Variants in DACH2 observed in about 807,000 individuals in gnomAD.
The protein encoded by DACH2 is dachshund homolog 2.
DACH2 carries 17 observed loss-of-function variants against 35.8 expected under a neutral mutation model. That is an observed-to-expected ratio of 0.48 (90% CI 0.33 to 0.71). The LOEUF is 0.71. Ranked by LOEUF, DACH2 falls within the 30% of genes least tolerant of loss-of-function variation. The pLI is 0.02. For missense variants in DACH2, 469 were observed against 472.7 expected (o/e 0.99, Z 0.07); for synonymous variants, 195 against 177.3 (o/e 1.10, Z -0.79).
At chrX:86,720,197 A>G (rs1245348924) in intron 6 of DACH2, among the ~76,000 whole-genome samples, 1 of 109,845 alleles carries the variant, frequency 9.1e-6, no homozygotes, top group Non-Finnish European at 1.9e-5. Context: ...TCGGCCTCCC[A>G]AAGTGCTGGG....
At chrX:86,601,061 G>A (rs1045315958) in intron 3 of DACH2, among the ~76,000 whole-genome samples, 1 of 110,968 alleles carries the variant, frequency 9.0e-6, no homozygotes, top group Non-Finnish European at 1.9e-5. Flanking sequence ...TGAACAGTAG[G>A]CATTCACTTT....
chrX:86,455,967 G>T (rs2037467730), intron 2 of DACH2, among the ~76,000 whole-genome samples: 1 of 112,107 alleles, frequency 8.9e-6, no homozygotes, highest in Non-Finnish European at 1.9e-5. Flanking sequence ...AGGCTCTGAT[G>T]GCATAGGCTC....
chrX:86,661,659 T>G (rs2040606552), intron 4 of DACH2, among the ~76,000 whole-genome samples: 1 of 112,360 alleles, frequency 8.9e-6, no homozygotes, highest in Non-Finnish European at 1.9e-5. Flanking sequence ...GTGCGCAAGA[T>G]TTGTGTAGAC....
intron 3 of DACH2, among the ~76,000 whole-genome samples, chrX:86,595,905 T>C (rs1335284103): frequency 9.0e-6 from 1 of 110,874 alleles, no homozygotes; most frequent in Non-Finnish European, 1.9e-5. Context: ...TTATTTGCTA[T>C]TACTCCCTAG....
rs139450893 is a variant in DACH2, at chrX:86,464,702, A to G, written c.528-49577A>G. The stretch of plus-strand genomic sequence containing the variant: ...AAAGTAAAATAAAAAAAAATAAAAA[A>G]TAAATATTCAAAAAAGATAAGTGTA... On this transcript the variant is annotated intron_variant, in intron 2 of 11. Transcript: ENST00000373125. Among the ~76,000 whole-genome samples the G allele has an allele frequency of 6.7e-3, 744 of 111,810 alleles. 2 individuals are homozygous for G. Among genetic ancestry groups the G allele is most frequent in the Non-Finnish European group, 0.01 (534 of 53,155 alleles).
chrX:86,241,678 A>G (rs150580519), intron 1 of DACH2, among the ~76,000 whole-genome samples: 7 of 112,575 alleles, frequency 6.2e-5, no homozygotes, highest in Non-Finnish European at 1.3e-4. Context: ...TCTCAAGGGC[A>G]TGTCAGAGAC....
rs182363124 is a variant in DACH2 at position 86,526,720 on chromosome X, T to G, written c.640+12329T>G. Among the ~76,000 whole-genome samples, 22 of 110,069 alleles carry G rather than the reference T, an allele frequency of 2.0e-4. No individual in the cohort carries two copies. In the East Asian group the frequency reaches 6.7e-3, roughly 34 times the overall value. On this transcript the variant is annotated intron_variant, in intron 3 of 11. Transcript: ENST00000373125. ...CCTGAAAGTGTCAGGTGAGAATGCT[T>G]TTTGAAACACTGTGTTAGATCAAAC...
intron 5 of DACH2, among the ~76,000 whole-genome samples, chrX:86,706,627 A>G (rs914065887): frequency 1.8e-5 from 2 of 111,126 alleles, no homozygotes; most frequent in Non-Finnish European, 3.8e-5. Flanking sequence ...TTAAAAGAAT[A>G]GAAATCAGAC....
At chrX:86,470,127 G>A (rs1167859214) in intron 2 of DACH2, among the ~76,000 whole-genome samples, 1 of 104,104 alleles carries the variant, frequency 9.6e-6, no homozygotes, top group Non-Finnish European at 1.9e-5. Context: ...TATCAGCAGA[G>A]TATCACAAAA....
intron 3 of DACH2, among the ~76,000 whole-genome samples, chrX:86,550,376 A>T (rs62593278): frequency 0.05 from 5,520 of 111,220 alleles, 117 homozygotes; most frequent in Middle Eastern, 0.1. Flanking sequence ...CTTCATGGCA[A>T]GGTGGTAGAA....
At chrX:86,441,781 T>C (rs1371276692) in intron 2 of DACH2, among the ~76,000 whole-genome samples, 1 of 108,722 alleles carries the variant, frequency 9.2e-6, no homozygotes, top group Non-Finnish European at 1.9e-5. Context: ...TGAGTTCCTC[T>C]TTTTTCACAT....
rs2037509425 is a variant in DACH2, at chrX:86,458,253, A to C, written c.528-56026A>C. On this transcript the variant is annotated intron_variant, in intron 2 of 11. Coordinates refer to ENST00000373125, the MANE Select transcript of DACH2 (RefSeq NM_053281.3). ...TTTCATGGTAAAAGTTTCCAATAAA[A>C]AGGCAAATGTTGGCAAAAACCTCAA... 2.7e-5 allele frequency among the ~76,000 whole-genome samples: 3 copies of C among 111,761 alleles called. No individual in the cohort carries two copies. In the South Asian group the frequency reaches 1.1e-3, roughly 42 times the overall value.
intron 1 of DACH2, among the ~76,000 whole-genome samples, chrX:86,251,251 A>G (rs971976282): frequency 7.2e-5 from 8 of 111,835 alleles, no homozygotes; most frequent in African/African-American, 2.6e-4. Context: ...TCAAAGTTGT[A>G]AAAGCAGCAA....
At chrX:86,460,849 A>G (rs1470478140) in intron 2 of DACH2, among the ~76,000 whole-genome samples, 1 of 111,071 alleles carries the variant, frequency 9.0e-6, no homozygotes, top group Non-Finnish European at 1.9e-5. Flanking sequence ...TAAAATTAAA[A>G]AAAAGTGAGA....
chrX:86,627,266 C>T (rs2040149119), intron 3 of DACH2, among the ~76,000 whole-genome samples: 1 of 111,645 alleles, frequency 9.0e-6, no homozygotes. Flanking sequence ...AGTTTCTTTG[C>T]TAAAGTATAG....
intron 1 of DACH2, among the ~76,000 whole-genome samples, chrX:86,227,139 A>G (rs2032842409): frequency 9.0e-6 from 1 of 111,628 alleles, no homozygotes; most frequent in African/African-American, 3.2e-5. Context: ...TATTGGACAT[A>G]TCCTATGTGC....
At chrX:86,689,593 C>T (rs1178263657) in intron 4 of DACH2, among the ~76,000 whole-genome samples, 3 of 111,576 alleles carry the variant, frequency 2.7e-5, no homozygotes, top group East Asian at 2.8e-4. Context: ...AGAACAAGCT[C>T]GATTTAGGCT....
intron 4 of DACH2, among the ~76,000 whole-genome samples, chrX:86,679,754 T>A (rs775068242): frequency 9.1e-6 from 1 of 110,053 alleles, no homozygotes; most frequent in African/African-American, 3.3e-5. Flanking sequence ...TGTAAGTGTC[T>A]GCTACTTTTG....
In DACH2 at chrX:86,651,830, C is replaced by T. The variant is rs141043677; in HGVS notation, c.772+663C>T. ...AAGTAGGTGGGATTATAACTATCAA[C>T]ATACATGAATGGATGGATGGACGGA... On this transcript the variant is annotated intron_variant, in intron 4 of 11. Transcript: ENST00000373125. Among the ~76,000 whole-genome samples the T allele has an allele frequency of 3.6e-3, 398 of 111,563 alleles. 2 individuals are homozygous for T. Among genetic ancestry groups the T allele is most frequent in the African/African-American group, 0.012 (380 of 30,691 alleles).
Sources: allele counts gnomAD v4.1 joint callset (sites outside exome capture counted in the v4.1 genomes callset), GRCh38; gene constraint gnomAD v4.1.1; transcripts MANE v1.5; gene names NCBI Gene and HGNC (gene_info 2026-07-23, HGNC 2026-07-21).